Variants in ZNF131 observed in about 807,000 individuals in gnomAD.
The protein encoded by ZNF131 is zinc finger and BTB domain containing 35.
Under a neutral mutation model 60.0 loss-of-function variants are expected in ZNF131, and 7 were observed. That is an observed-to-expected ratio of 0.12 (90% CI 0.07 to 0.22). The LOEUF (loss-of-function observed/expected upper bound fraction) is 0.22, where lower values mean the gene tolerates loss of function less well. Among genes scored for constraint, ZNF131 ranks in the 10% least tolerant of loss-of-function variants. ZNF131 has a pLI of 1.00. For missense variants in ZNF131, 493 were observed against 740.9 expected, an observed-to-expected ratio of 0.67 and a Z score of 3.88; for synonymous variants, 257 against 253.2, an observed-to-expected ratio of 1.01 and a Z score of -0.14.
chr5:43,175,316 A>G lies in ZNF131; in HGVS notation c.*183A>G, dbSNP rs905476125. 2 of 705,310 alleles carry G rather than the reference A, an allele frequency of 2.8e-6. No homozygotes were observed. Among genetic ancestry groups the G allele is most frequent in the African/African-American group, 3.6e-5 (2 of 55,482 alleles). The allele number at this position is 705,310 out of a possible 1,614,324, so 43.7% of individuals were successfully genotyped here. ...CTCCCCCTACTTATTGCCACAGAGGAGGGATCTTTTCCATAACTGAAGGGG... is the reference window on the plus strand; with the variant it reads ...CTCCCCCTACTTATTGCCACAGAGGGGGGATCTTTTCCATAACTGAAGGGG... On this transcript the variant is annotated 3_prime_UTR_variant, in exon 7 of 7. Transcript: ENST00000682664.
chr5:43,162,591 T>TA (rs35784533), intron 5 of ZNF131, among the ~76,000 whole-genome samples: 1,654 of 89,340 alleles, frequency 0.019, 21 homozygotes, highest in Non-Finnish European at 0.025. Context: ...GACTCCATCT[T>TA]AAAAAAAAAA....
chr5:43,129,797 G>A (rs1365021250), intron 3 of ZNF131, among the ~76,000 whole-genome samples: 1 of 152,120 alleles, frequency 6.6e-6, no homozygotes, highest in Admixed American at 6.5e-5. Context: ...TGGGATTACA[G>A]GTGCGTGCCA....
intron 5 of ZNF131, among the ~76,000 whole-genome samples, chr5:43,169,055 A>G (rs552227751): frequency 2.0e-5 from 3 of 152,338 alleles, no homozygotes; most frequent in African/African-American, 4.8e-5. Context: ...TTTTCAAACA[A>G]TTACTCCCTA....
Position 43,168,414 on chromosome 5 carries a change from A to T in ZNF131, c.1055-4904A>T, listed in dbSNP as rs751251185. Among the ~76,000 whole-genome samples, 4 of 152,306 alleles carry T rather than the reference A, an allele frequency of 2.6e-5. No individual in the cohort carries two copies. In the East Asian group the frequency reaches 7.7e-4, roughly 29 times the overall value. ...TTTGGATCACTGTTAATAGGGCATT[A>T]TGGCCAGAGGGTTAGGTCCAATTAG... On this transcript the variant is annotated intron_variant, in intron 5 of 6. Transcript: ENST00000682664.
In ZNF131 at chr5:43,171,716, C is replaced by T. The variant is rs566352148; in HGVS notation, c.1055-1602C>T. ...CAGCCTACTGCAACTTCTGCCTCAC[C>T]GGTTCAAGCAGTTCTGTCTCAGCCT... On this transcript the variant is annotated intron_variant, in intron 5 of 6. Transcript: ENST00000682664. Among the ~76,000 whole-genome samples the T allele has an allele frequency of 4.6e-5, 7 of 152,172 alleles. No individual in the cohort carries two copies. The East Asian group carries it at 7.7e-4, about 17-fold the overall frequency.
At chr5:43,156,879 C>G (rs1045457999) in intron 4 of ZNF131, among the ~76,000 whole-genome samples, 3 of 151,244 alleles carry the variant, frequency 2.0e-5, no homozygotes, top group Non-Finnish European at 4.4e-5. Context: ...TCTCTACCCC[C>G]ACCAAAAAAA....
At chr5:43,161,129 C>G in intron 4 of ZNF131, 120 bp from the exon 5 acceptor site, 1 of 846,464 alleles carries the variant, frequency 1.2e-6, no homozygotes, top group Non-Finnish European at 1.8e-6. Context: ...GTAGGATAAG[C>G]CCTGCAGTCT....
intron 4 of ZNF131, among the ~76,000 whole-genome samples, chr5:43,148,334 G>A (rs1210269616): frequency 1.3e-5 from 2 of 152,092 alleles, no homozygotes; most frequent in African/African-American, 2.4e-5. Flanking sequence ...AGTAGTGATC[G>A]TGCTGCTGCA....
At chr5:43,139,868 A>G (rs6859504) in intron 4 of ZNF131, among the ~76,000 whole-genome samples, 2,817 of 152,282 alleles carry the variant, frequency 0.018, 89 homozygotes, top group African/African-American at 0.065. Flanking sequence ...GAACAAATCA[A>G]TTGCTGAGGA....
chr5:43,125,361 C>T (rs1744394987), intron 3 of ZNF131, among the ~76,000 whole-genome samples: 1 of 151,354 alleles, frequency 6.6e-6, no homozygotes, highest in Non-Finnish European at 1.5e-5. Context: ...AGTGCAATGG[C>T]GTGATCAGGC....
chr5:43,144,853 T>A (rs1215735042), intron 4 of ZNF131, among the ~76,000 whole-genome samples: 2 of 151,700 alleles, frequency 1.3e-5, no homozygotes, highest in East Asian at 3.9e-4. Context: ...TGGAATGCCA[T>A]CTGTCTGCTT....
chr5:43,166,606 C>A (rs1306347612), intron 5 of ZNF131, among the ~76,000 whole-genome samples: 1 of 151,962 alleles, frequency 6.6e-6, no homozygotes, highest in African/African-American at 2.4e-5. Flanking sequence ...GTGATCCACC[C>A]CCCTCGGCCT....
chr5:43,152,094 C>A (rs1427299486), intron 4 of ZNF131, among the ~76,000 whole-genome samples: 1 of 151,990 alleles, frequency 6.6e-6, no homozygotes, highest in Non-Finnish European at 1.5e-5. Context: ...CCTCTACCTC[C>A]CAGGTTCAAG....
intron 4 of ZNF131, among the ~76,000 whole-genome samples, chr5:43,141,781 A>AC (rs1746859240): frequency 6.6e-6 from 1 of 151,390 alleles, no homozygotes; most frequent in Non-Finnish European, 1.5e-5. Flanking sequence ...AAAAAAAAAA[A>AC]CTGGAATTCC....
chr5:43,150,733 C>T (rs1040462532), intron 4 of ZNF131, among the ~76,000 whole-genome samples: 3 of 152,146 alleles, frequency 2.0e-5, no homozygotes, highest in South Asian at 2.1e-4. Context: ...ACTGAGATCG[C>T]GCCATTGCAC....
chr5:43,168,905 TTTGA>T (rs1251732138), intron 5 of ZNF131, among the ~76,000 whole-genome samples: 1 of 152,154 alleles, frequency 6.6e-6, no homozygotes, highest in Non-Finnish European at 1.5e-5. Flanking sequence ...TAGATGGCTG[TTTGA>T]TTGGAGGCTA....
At chr5:43,157,807 C>T (rs745848095) in intron 4 of ZNF131, among the ~76,000 whole-genome samples, 81 of 152,170 alleles carry the variant, frequency 5.3e-4, no homozygotes, top group Non-Finnish European at 9.1e-4. Flanking sequence ...TGGCTTCTGG[C>T]GAAAAGGTGT....
chr5:43,123,181 TTTTC>T (rs753947548), intron 2 of ZNF131, 24 bp from the exon 3 acceptor site: 7 of 1,550,796 alleles, frequency 4.5e-6, no homozygotes. Context: ...TTGTGTATGA[TTTTC>T]TTTTTTTTTC....
rs1199988878 is a variant in ZNF131, at chr5:43,174,803, TGAGCTTCCA to T, written c.1547_1555del (p.Leu516_Glu518del). On this transcript the variant is annotated inframe_deletion, in exon 7 of 7. Transcript: ENST00000682664. ...GCCAGGTGCACGATTCACACATGAGTGAGCTTCCAGAGCAGGTCCAAGTGAGTTATCTAG... is the reference window on the plus strand; with the variant it reads ...GCCAGGTGCACGATTCACACATGAGTGAGCAGGTCCAAGTGAGTTATCTAG... 6.2e-7 allele frequency: 1 copy of T among 1,613,940 alleles called. No individual in the cohort carries two copies. Among genetic ancestry groups the T allele is most frequent in the East Asian group, 2.2e-5 (1 of 44,898 alleles).
Sources: gnomAD v4.1 joint callset for allele counts (sites outside exome capture counted in the v4.1 genomes callset) on GRCh38, gnomAD v4.1.1 for gene constraint, MANE v1.5 for transcripts, NCBI Gene and HGNC (gene_info 2026-07-23, HGNC 2026-07-21) for gene names.